The following PLA2G4C variants were observed in gnomAD, a reference collection of about 807,000 sequenced individuals.
PLA2G4C encodes cytosolic phospholipase A2 gamma.
Under a neutral mutation model 73.8 loss-of-function variants are expected in PLA2G4C, and 64 were observed. The ratio of observed to expected loss-of-function variants is 0.87; its 90% CI spans 0.71 to 1.07. PLA2G4C has a LOEUF of 1.07. Ranked by LOEUF, PLA2G4C falls within the 50% of genes least tolerant of loss-of-function variation. The probability of loss-of-function intolerance (pLI) is 0.00; values close to 1 mark genes in which losing one functional copy is unlikely to be tolerated. For synonymous variants in PLA2G4C, 254 were observed against 252.1 expected (o/e 1.01, Z -0.07); for missense variants, 622 against 665.4 (o/e 0.93, Z 0.72).
chr19:48,059,310 C>T (rs1968080660), intron 14 of PLA2G4C, among the ~76,000 whole-genome samples: 1 of 151,884 alleles, frequency 6.6e-6, no homozygotes, highest in African/African-American at 2.4e-5. Flanking sequence ...TTTGTAACCA[C>T]CCAATTTGTA....
intron 14 of PLA2G4C, 101 bp from the exon 15 acceptor site, chr19:48,055,150 C>T: frequency 1.9e-6 from 2 of 1,057,350 alleles, no homozygotes; most frequent in Non-Finnish European, 2.8e-6. Flanking sequence ...AGCTAACAGC[C>T]CAGACACACA....
chr19:48,068,118 A>G (rs1156795191), intron 12 of PLA2G4C, among the ~76,000 whole-genome samples: 2 of 152,184 alleles, frequency 1.3e-5, no homozygotes, highest in African/African-American at 2.4e-5. Context: ...CCTGGCCAAC[A>G]TGGTGAAACC....
chr19:48,075,917 T>G (rs921370006), intron 11 of PLA2G4C, among the ~76,000 whole-genome samples: 4 of 152,214 alleles, frequency 2.6e-5, no homozygotes, highest in Admixed American at 6.5e-5. Flanking sequence ...CTTCCAGACT[T>G]GTCTATAACC....
chr19:48,071,850 T>C (rs368353819), intron 12 of PLA2G4C, among the ~76,000 whole-genome samples: 5 of 152,062 alleles, frequency 3.3e-5, no homozygotes, highest in South Asian at 2.1e-4. Flanking sequence ...GTATATCTTA[T>C]AGTAAGTTAA....
At chr19:48,067,629 C>A (rs11564622) in intron 13 of PLA2G4C, among the ~76,000 whole-genome samples, 162 bp downstream of exon 13, 1 of 152,120 alleles carries the variant, frequency 6.6e-6, no homozygotes, top group Non-Finnish European at 1.5e-5. Flanking sequence ...CACCACTGAG[C>A]GAAAGTTCCC....
chr19:48,048,297 C>CCTA lies in PLA2G4C; in HGVS notation c.*43_*45dup. ...AGGAAGGCCAGGTGGACATCAGGGC[C>CCTA]CTAGTAGACCAACAGGCCCACAGTG... On this transcript the variant is annotated 3_prime_UTR_variant, in exon 17 of 17. Coordinates refer to ENST00000599921, the MANE Select transcript of PLA2G4C (RefSeq NM_003706.3). 6.7e-7 allele frequency: 1 copy of CCTA among 1,497,498 alleles called. No homozygotes were observed. Among genetic ancestry groups the CCTA allele is most frequent in the South Asian group, 1.2e-5 (1 of 84,470 alleles). 92.8% of individuals were successfully genotyped at this position (1,497,498 alleles called of 1,614,324 possible).
intron 12 of PLA2G4C, among the ~76,000 whole-genome samples, chr19:48,070,051 T>C (rs1968598733): frequency 6.6e-6 from 1 of 152,058 alleles, no homozygotes; most frequent in Non-Finnish European, 1.5e-5. Flanking sequence ...ATTACAAACA[T>C]GAGCCACTGC....
At chr19:48,102,768 G>A (rs2031982638) in intron 4 of PLA2G4C, among the ~76,000 whole-genome samples, 1 of 152,196 alleles carries the variant, frequency 6.6e-6, no homozygotes, top group Non-Finnish European at 1.5e-5. Flanking sequence ...GACTGTCCCA[G>A]ATGATTTTGA....
chr19:48,052,943 CAGAT>C, intron 16 of PLA2G4C, 50 bp downstream of exon 16: 1 of 1,551,088 alleles, frequency 6.4e-7, no homozygotes, highest in Non-Finnish European at 8.8e-7. Flanking sequence ...AGTTCTCCAA[CAGAT>C]ACTTACTGAA....
At chr19:48,108,292 G>A (rs562961431) in intron 1 of PLA2G4C, among the ~76,000 whole-genome samples, 3 of 151,950 alleles carry the variant, frequency 2.0e-5, no homozygotes, top group South Asian at 2.1e-4. Context: ...GCACCACCAC[G>A]TCTGGCAAAG....
rs765658797 is a variant in PLA2G4C at position 48,110,539 on chromosome 19, A to C, written c.-85T>G. ...ATGCGCGGTGGAGCTTGTGCTCCGGAATCCGGTGCGGAGGCTTGGGCTCCC... is the reference window on the plus strand; with the variant it reads ...ATGCGCGGTGGAGCTTGTGCTCCGGCATCCGGTGCGGAGGCTTGGGCTCCC... On this transcript the variant is annotated 5_prime_UTR_variant, in exon 1 of 17. It adds an upstream start codon to the 5' untranslated region. Transcript: ENST00000599921. 9.8e-6 allele frequency: 15 copies of C among 1,532,346 alleles called. No homozygotes were observed. In the Admixed American group the frequency reaches 2.2e-4, roughly 22 times the overall value. The allele number at this position is 1,532,346 out of a possible 1,614,324, so 94.9% of individuals were successfully genotyped here.
chr19:48,095,269 G>C (rs577292816), intron 7 of PLA2G4C, among the ~76,000 whole-genome samples, 195 bp downstream of exon 7: 1 of 152,130 alleles, frequency 6.6e-6, no homozygotes, highest in East Asian at 1.9e-4. Context: ...GGTATCTGCC[G>C]CATTAAGGAG....
intron 6 of PLA2G4C, among the ~76,000 whole-genome samples, chr19:48,097,513 A>G (rs1311721106): frequency 1.3e-5 from 2 of 151,416 alleles, no homozygotes; most frequent in African/African-American, 4.9e-5. Flanking sequence ...CGGCCTCCCA[A>G]AGTCCTGGGA....
rs1028044860 is a variant in PLA2G4C, at chr19:48,065,145, C to T, written c.1102+2646G>A. On this transcript the variant is annotated intron_variant, in intron 13 of 16. Coordinates refer to ENST00000599921, the MANE Select transcript of PLA2G4C (RefSeq NM_003706.3). ...ACATGTGGCCTAGGTGGTTGGGGCA[C>T]AGCCTAGGTTTATACATTTTAGGGA... Among the ~76,000 whole-genome samples, 23 of 151,936 alleles carry T rather than the reference C, an allele frequency of 1.5e-4. 1 individual carries two copies. Among genetic ancestry groups the T allele is most frequent in the Non-Finnish European group, 2.1e-4 (14 of 67,992 alleles).
chr19:48,098,228 T>A lies in PLA2G4C; in HGVS notation c.479A>T (p.Lys160Met). The A allele has an allele frequency of 6.2e-7, 1 of 1,613,558 alleles. No individual in the cohort carries two copies. ...GGGTAGTGTCCCTTCTTCCACGGGC[T>A]TCTTCATATTGGACAAATGAGACTC... is the stretch of plus-strand genomic sequence containing the variant. ...LPESHLSNMKKPVEEGTLPYP... is the reference protein window; with the variant it reads ...LPESHLSNMKMPVEEGTLPYP... The change falls in exon 6 of 17, where the codon AAG (lysine) becomes ATG (methionine). Residue 160 changes from lysine to methionine, a missense_variant. Physicochemically the swap from Lys to Met is moderately conservative, Grantham distance 95. Coordinates refer to ENST00000599921, the MANE Select transcript of PLA2G4C (RefSeq NM_003706.3).
At chr19:48,060,787 G>A (rs1968139575) in intron 14 of PLA2G4C, among the ~76,000 whole-genome samples, 1 of 152,140 alleles carries the variant, frequency 6.6e-6, no homozygotes, top group African/African-American at 2.4e-5. Flanking sequence ...ATGGTGACAA[G>A]TTGGTTCTGG....
chr19:48,099,567 T>C, intron 5 of PLA2G4C, 104 bp downstream of exon 5: 1 of 760,618 alleles, frequency 1.3e-6, no homozygotes, highest in Non-Finnish European at 2.1e-6. Context: ...TTGAAAATCC[T>C]GAAGGACTTA....
chr19:48,099,543 C>T lies in PLA2G4C; in HGVS notation c.447+128G>A, dbSNP rs2031786514. 3 of 633,234 alleles carry T rather than the reference C, an allele frequency of 4.7e-6. No homozygotes were observed. The South Asian group carries it at 6.7e-5, about 14-fold the overall frequency. 39.2% of individuals were successfully genotyped at this position (633,234 alleles called of 1,614,324 possible). A position where few individuals can be genotyped will look rare whatever the true frequency, so the allele number is the denominator to read the frequency against. ...GTTTTGAGGCATCAACCGAAGTGCC[C>T]AGATTTTGATGACTTGAAAATCCTG... is the stretch of plus-strand genomic sequence containing the variant. On this transcript the variant is annotated intron_variant, in intron 5 of 16. Coordinates refer to ENST00000599921, the MANE Select transcript of PLA2G4C (RefSeq NM_003706.3).
At chr19:48,074,569 A>G (rs1289134776) in intron 12 of PLA2G4C, 198 bp downstream of exon 12, 2 of 585,250 alleles carry the variant, frequency 3.4e-6, no homozygotes, top group African/African-American at 3.8e-5. Context: ...ACTGTCTCCT[A>G]CAATGGTTGA....
Sources: allele counts gnomAD v4.1 joint callset (sites outside exome capture counted in the v4.1 genomes callset), GRCh38; gene constraint gnomAD v4.1.1; transcripts MANE v1.5; gene names NCBI Gene and HGNC (gene_info 2026-07-23, HGNC 2026-07-21).